Variants in CDC26 observed in about 807,000 individuals in gnomAD.
CDC26 encodes anaphase-promoting complex subunit CDC26.
A neutral mutation model predicts 8.0 loss-of-function variants in CDC26; 2 were observed. That is an observed-to-expected ratio of 0.25 (90% CI 0.10 to 0.79). The LOEUF (loss-of-function observed/expected upper bound fraction) is 0.79, where lower values mean the gene tolerates loss of function less well. Among genes scored for constraint, CDC26 ranks in the 30% least tolerant of loss-of-function variants. The probability of loss-of-function intolerance (pLI) is 0.70; values close to 1 mark genes in which losing one functional copy is unlikely to be tolerated. For synonymous variants in CDC26, 19 were observed against 34.9 expected (o/e 0.55, Z 1.60); for missense variants, 68 against 106.0 (o/e 0.64, Z 1.57).
chr9:113,272,014 A>G (rs1230681097), intron 3 of CDC26, among the ~76,000 whole-genome samples: 1 of 152,146 alleles, frequency 6.6e-6, no homozygotes, highest in African/African-American at 2.4e-5. Context: ...AGGTCTCACT[A>G]TGTTGCCCAG....
chr9:113,272,485 C>T lies in CDC26; in HGVS notation c.23G>A (p.Arg8His), dbSNP rs780745708. Residue 8 changes from arginine (R) to histidine (H), a missense_variant, in exon 3 of 4, where the codon CGC (arginine) becomes CAC (histidine). Transcript: ENST00000374206. Reference protein sequence around the residue: MLRRKPTRLELKLDDIEE... With the variant: MLRRKPTHLELKLDDIEE... ...AATGTCATCAAGCTTTAGCTCTAGG[C>T]GTGTTGGTTTCCGTCTCAGCATACT... is the stretch of plus-strand genomic sequence containing the variant. 125 of 1,612,844 alleles carry T rather than the reference C, an allele frequency of 7.8e-5. No individual in the cohort carries two copies. The highest frequency in any genetic ancestry group is 9.8e-5 in the Non-Finnish European group (116 of 1,179,194).
rs1831950151 is a variant in CDC26 at position 113,271,140 on chromosome 9, C to T, written c.81+1287G>A. On this transcript the variant is annotated intron_variant, in intron 3 of 3. Coordinates refer to ENST00000374206, the MANE Select transcript of CDC26 (RefSeq NM_139286.4). ...AGAGAAAGGGAGGACTCAGGAATGA[C>T]TGCTAGGTTTCTGGCCTGAGGAACT... Among the ~76,000 whole-genome samples, 2 of 152,160 alleles carry T rather than the reference C, an allele frequency of 1.3e-5. 1 individual carries two copies.
chr9:113,268,879 C>T (rs1170095647), intron 3 of CDC26, among the ~76,000 whole-genome samples: 1 of 152,186 alleles, frequency 6.6e-6, no homozygotes, highest in African/African-American at 2.4e-5. Context: ...CTCAGCCTCT[C>T]AAGTAGTTGG....
At chr9:113,273,852 A>G (rs930048695) in intron 1 of CDC26, among the ~76,000 whole-genome samples, 3 of 150,914 alleles carry the variant, frequency 2.0e-5, no homozygotes, top group Non-Finnish European at 4.4e-5. Flanking sequence ...AAAAAGGCTC[A>G]AGAGAGCATT....
intron 3 of CDC26, 51 bp downstream of exon 3, chr9:113,272,376 G>C (rs771991981): frequency 7.2e-7 from 1 of 1,382,706 alleles, no homozygotes; most frequent in African/African-American, 1.4e-5. Context: ...ACTCCAGCCT[G>C]TGTGACAGAG....
In CDC26 at chr9:113,275,496, A is replaced by G. The variant is rs947568504; in HGVS notation, c.-266T>C. The G allele has an allele frequency of 6.2e-6, 3 of 485,130 alleles. No individual in the cohort carries two copies. The highest frequency in any genetic ancestry group is 1.1e-5 in the Non-Finnish European group (3 of 270,002). 30.1% of individuals were successfully genotyped at this position (485,130 alleles called of 1,614,324 possible). A position where few individuals can be genotyped will look rare whatever the true frequency, so the allele number is the denominator to read the frequency against. ...CTGCTTGGAGCCTCTCTCTCCGCAG[A>G]ACCTCGTCTTCCGCGAGCTTTTCCT... On this transcript the variant is annotated 5_prime_UTR_variant, in exon 1 of 4. Transcript: ENST00000374206.
In CDC26 at chr9:113,267,407, A is replaced by G. The variant is rs1312770890; in HGVS notation, c.114T>C (p.Val38=). 2 of 1,596,042 alleles carry G rather than the reference A, an allele frequency of 1.3e-6. No homozygotes were observed. The highest frequency in any genetic ancestry group is 1.7e-6 in the Non-Finnish European group (2 of 1,174,630). The change falls in exon 4 of 4, where the codon GTT becomes GTC. Residue 38 remains valine (V), a synonymous_variant. Transcript: ENST00000374206. ...CTCCTTCTCCATCACTGCCTCCTAC[A>G]ACTTCCACATCTTCCTTCTGTTTCT... ...TRKKQKEDVE[V]VGGSDGEGAI...
Position 113,267,048 on chromosome 9 carries a change from G to C in CDC26, c.*215C>G, listed in dbSNP as rs1023602573. ...ATTTATTTTTAAAAACAGAAAATCA[G>C]ATCAGTTTTATAGAGTCAAATTTTC... is the stretch of plus-strand genomic sequence containing the variant. On this transcript the variant is annotated 3_prime_UTR_variant, in exon 4 of 4. Coordinates refer to ENST00000374206, the MANE Select transcript of CDC26 (RefSeq NM_139286.4). 2.2e-5 allele frequency: 10 copies of C among 449,248 alleles called. No individual in the cohort carries two copies. In the South Asian group the frequency reaches 3.4e-4, roughly 15 times the overall value. The allele number at this position is 449,248 out of a possible 1,614,324, so 27.8% of individuals were successfully genotyped here.
At chr9:113,269,176 C>A (rs1472168743) in intron 3 of CDC26, among the ~76,000 whole-genome samples, 1 of 152,006 alleles carries the variant, frequency 6.6e-6, no homozygotes, top group African/African-American at 2.4e-5. Context: ...GAGCTGTGAT[C>A]ATGCCACTGT....
intron 3 of CDC26, among the ~76,000 whole-genome samples, chr9:113,269,807 G>A (rs1831926035): frequency 6.6e-6 from 1 of 152,186 alleles, no homozygotes; most frequent in African/African-American, 2.4e-5. Context: ...CAGGGGGAAA[G>A]AAATCTAAGT....
chr9:113,267,005 A>T lies in CDC26; in HGVS notation c.*258T>A. On this transcript the variant is annotated 3_prime_UTR_variant, in exon 4 of 4. Transcript: ENST00000374206. ...TGTTATACTTCATTAAGGATGCCTC[A>T]CATTTTTCCAAAAATATATTTATTT... 2.3e-6 allele frequency: 1 copy of T among 438,972 alleles called. No homozygotes were observed. The highest frequency in any genetic ancestry group is 3.9e-6 in the Non-Finnish European group (1 of 254,356). The allele number at this position is 438,972 out of a possible 1,614,324, so 27.2% of individuals were successfully genotyped here. A position where few individuals can be genotyped will look rare whatever the true frequency, so the allele number is the denominator to read the frequency against.
chr9:113,272,853 G>T (rs1213780347), intron 2 of CDC26, among the ~76,000 whole-genome samples: 1 of 151,962 alleles, frequency 6.6e-6, no homozygotes, highest in African/African-American at 2.4e-5. Context: ...CGCCATACCT[G>T]GCTAATTTTT....
At position 113,272,800 on chromosome 9, in the gene CDC26, T is replaced by C. The variant is rs182563816; in HGVS notation, c.-41-252A>G. On this transcript the variant is annotated intron_variant, in intron 2 of 3. Transcript: ENST00000374206. ...TCAACTTCCTGGACTCAAGCAATCTTACTGCCTCAGCCTCCAGAGTAGCTG... is the reference window on the plus strand; with the variant it reads ...TCAACTTCCTGGACTCAAGCAATCTCACTGCCTCAGCCTCCAGAGTAGCTG... 4.4e-3 allele frequency among the ~76,000 whole-genome samples: 666 copies of C among 152,128 alleles called. 10 individuals carry two copies. Among genetic ancestry groups the C allele is most frequent in the Admixed American group, 0.017 (255 of 15,284 alleles).
rs544576544 is a variant in CDC26, at chr9:113,267,067, A to C, written c.*196T>G. Reference sequence around the variant, plus strand: ...AAATCAGATCAGTTTTATAGAGTCAAATTTTCAAGAGACAAACCAGAGTTT... The same window carrying C: ...AAATCAGATCAGTTTTATAGAGTCACATTTTCAAGAGACAAACCAGAGTTT... On this transcript the variant is annotated 3_prime_UTR_variant, in exon 4 of 4. Transcript: ENST00000374206. 1.0e-5 allele frequency: 5 copies of C among 481,916 alleles called. No individual in the cohort carries two copies. Among genetic ancestry groups the C allele is most frequent in the Non-Finnish European group, 1.8e-5 (5 of 273,824 alleles). The allele number at this position is 481,916 out of a possible 1,614,324, so 29.9% of individuals were successfully genotyped here. A position where few individuals can be genotyped will look rare whatever the true frequency, so the allele number is the denominator to read the frequency against.
chr9:113,274,220 A>T (rs1428560281), intron 1 of CDC26, among the ~76,000 whole-genome samples: 5 of 152,348 alleles, frequency 3.3e-5, no homozygotes, highest in East Asian at 3.9e-4. Flanking sequence ...AAAATTATAA[A>T]GGTCAACATG....
intron 3 of CDC26, among the ~76,000 whole-genome samples, chr9:113,268,471 C>G (rs946837377): frequency 2.0e-5 from 3 of 152,196 alleles, no homozygotes. Flanking sequence ...CAGCCACTAC[C>G]TGACTGTAAG....
At chr9:113,272,662 A>T in intron 2 of CDC26, 114 bp from the exon 3 acceptor site, 4 of 519,952 alleles carry the variant, frequency 7.7e-6, no homozygotes, top group East Asian at 3.5e-5. Flanking sequence ...TTAAAAATTT[A>T]TTTGAATTTA....
intron 2 of CDC26, 27 bp from the exon 3 acceptor site, chr9:113,272,575 A>C (rs1170762430): frequency 1.8e-6 from 2 of 1,128,910 alleles, no homozygotes; most frequent in African/African-American, 3.1e-5. Flanking sequence ...AGAGGAGGAA[A>C]ATCTGAAGGT....
chr9:113,268,318 T>C (rs1831896711), intron 3 of CDC26, among the ~76,000 whole-genome samples: 1 of 152,254 alleles, frequency 6.6e-6, no homozygotes, highest in Admixed American at 6.5e-5. Flanking sequence ...GAAGGTTTTA[T>C]GCTATCTTAT....
Sources: gnomAD v4.1 joint callset for allele counts (sites outside exome capture counted in the v4.1 genomes callset) on GRCh38, gnomAD v4.1.1 for gene constraint, MANE v1.5 for transcripts, NCBI Gene and HGNC (gene_info 2026-07-23, HGNC 2026-07-21) for gene names.